Variants in MUC6 observed in about 807,000 individuals in gnomAD.
MUC6 encodes the protein mucin 6, oligomeric mucus/gel-forming (gene/pseudogene), also known as mucin-6.
A neutral mutation model predicts 201.5 loss-of-function variants in MUC6; 188 were observed. The ratio of observed to expected loss-of-function variants is 0.93; its 90% CI spans 0.83 to 1.05. MUC6 has a LOEUF of 1.05. Ranked by LOEUF, MUC6 falls within the 50% of genes least tolerant of loss-of-function variation. The probability of loss-of-function intolerance (pLI) is 0.00; values close to 1 mark genes in which losing one functional copy is unlikely to be tolerated. For synonymous variants in MUC6, 1,228 were observed against 1,389.4 expected (o/e 0.88, Z 2.58); for missense variants, 2,706 against 3,256.9 (o/e 0.83, Z 4.12).
rs1004970672 is a variant in MUC6, at chr11:1,028,774, G to A, written c.1463C>T (p.Thr488Met). 89 of 1,610,972 alleles carry A rather than the reference G, an allele frequency of 5.5e-5. No homozygotes were observed. The highest frequency in any genetic ancestry group is 6.2e-5 in the Non-Finnish European group (73 of 1,179,730). The change falls in exon 13 of 33, where the codon ACG (threonine) becomes ATG (methionine). Residue 488 changes from threonine to methionine, a missense_variant. Physicochemically the swap from Thr to Met is moderately conservative, Grantham distance 81. Coordinates refer to ENST00000421673, the MANE Select transcript of MUC6 (RefSeq NM_005961.3). ...GTGGGTGGACGTCTGCCTGAAGACC[G>A]TGATGTTGCCTGCAGGACGCAGTGC... ...KWLPYKTRNI[T>M]VFRQTSTHLQ...
rs1326925858 is a variant in MUC6, at chr11:1,020,087, T to TA, written c.3808+2dup. 1.2e-6 allele frequency: 2 copies of TA among 1,613,116 alleles called. No individual in the cohort carries two copies. Among genetic ancestry groups the TA allele is most frequent in the Non-Finnish European group, 1.7e-6 (2 of 1,179,752 alleles). On this transcript the variant is annotated splice_region_variant and intron_variant, in intron 29 of 32. Transcript: ENST00000421673. ...TCCATGGGCTCAGCTGGAGGCTCCT[T>TA]ACCTCCCGAGGAGGCTGTGGGCTTG...
In MUC6 at chr11:1,028,636, A is replaced by G. The variant is rs765260336; in HGVS notation, c.1591+10T>C. ...AGGCAACAGGGCCACCTGGAGAGGC[A>G]GGGACTCACCTCTGGTCTGACCTCT... is the stretch of plus-strand genomic sequence containing the variant. On this transcript the variant is annotated intron_variant, in intron 13 of 32. Transcript: ENST00000421673. 3.1e-6 allele frequency: 5 copies of G among 1,605,706 alleles called. No individual in the cohort carries two copies. Among genetic ancestry groups the G allele is most frequent in the Non-Finnish European group, 4.2e-6 (5 of 1,176,864 alleles).
Position 1,030,282 on chromosome 11 carries a change from C to G in MUC6, c.946G>C (p.Val316Leu), listed in dbSNP as rs772440909. The change falls in exon 8 of 33, where the codon GTG (valine) becomes CTG (leucine). Residue 316 changes from valine to leucine, a missense_variant. Val to Leu is a conservative substitution (Grantham distance 32, BLOSUM62 1). Coordinates refer to ENST00000421673, the MANE Select transcript of MUC6 (RefSeq NM_005961.3). ...QVYQECGSAC[V>L]KTCSNPQHSC... ...TGCTGCGGGTTGGAGCAGGTCTTCACGCAGGCCGAGCCGCACTCCTGGTAC... is the reference window on the plus strand; with the variant it reads ...TGCTGCGGGTTGGAGCAGGTCTTCAGGCAGGCCGAGCCGCACTCCTGGTAC... 5 of 1,549,688 alleles carry G rather than the reference C, an allele frequency of 3.2e-6. No individual in the cohort carries two copies. The highest frequency in any genetic ancestry group is 4.4e-6 in the Non-Finnish European group (5 of 1,146,930).
intron 19 of MUC6, 82 bp from the exon 20 acceptor site, chr11:1,026,560 C>T (rs867662388): frequency 5.4e-5 from 75 of 1,390,790 alleles, no homozygotes; most frequent in Middle Eastern, 5.2e-4. Flanking sequence ...TGAGACTGCC[C>T]GGCGTGTCTC....
rs759363349 is a variant in MUC6 at position 1,018,086 on chromosome 11, G to C, written c.4715C>G (p.Pro1572Arg). Residue 1572 changes from proline to arginine, a missense_variant, in exon 31 of 33, where the codon CCC (proline) becomes CGC (arginine). Pro to Arg is a moderately radical substitution (Grantham distance 103). This residue lies in a region of MUC6 where 128 missense variants were observed against 206.5 expected (regional missense o/e 0.62). Coordinates refer to ENST00000421673, the MANE Select transcript of MUC6 (RefSeq NM_005961.3). ...TGTAGGTGGGGAGTGTGTGGTGAAG[G>C]GTGGTGGTGGCCTGCTGCTGGTGGC... ...NSATSSRPPP[P>R]FTTHSPPTGS... The C allele has an allele frequency of 1.2e-6, 2 of 1,613,950 alleles. No homozygotes were observed. Among genetic ancestry groups the C allele is most frequent in the Non-Finnish European group, 1.7e-6 (2 of 1,179,820 alleles).
chr11:1,025,950 G>C, intron 21 of MUC6, 35 bp from the exon 22 acceptor site: 1 of 1,596,124 alleles, frequency 6.3e-7, no homozygotes, highest in Non-Finnish European at 8.5e-7. Context: ...GAGCCCTGGA[G>C]GCCGTGCCTC....
At chr11:1,025,507 G>A in intron 22 of MUC6, 140 bp from the exon 23 acceptor site, 1 of 1,023,140 alleles carries the variant, frequency 9.8e-7, no homozygotes, top group Non-Finnish European at 1.4e-6. Flanking sequence ...GAGCCAGCTT[G>A]GGGCAGAAGG....
At chr11:1,027,562 G>A (rs2133830717) in intron 16 of MUC6, 45 bp from the exon 17 acceptor site, 1 of 1,605,520 alleles carries the variant, frequency 6.2e-7, no homozygotes, top group East Asian at 2.2e-5. Flanking sequence ...GGGGCGGCCG[G>A]GAGGGCAATC....
chr11:1,031,673 C>T lies in MUC6; in HGVS notation c.417G>A (p.Val139=). The change falls in exon 4 of 33, where the codon GTG becomes GTA. Residue 139 remains valine, a synonymous_variant. Transcript: ENST00000421673. ...GLQITPFGQS[V]RLVAKQLELE... ...GCTCCAGCTGCTTGGCCACCAGCCG[C>T]ACGCTCTGGCCGAAGGGTGTGATCT... is the stretch of plus-strand genomic sequence containing the variant. 3 of 1,550,912 alleles carry T rather than the reference C, an allele frequency of 1.9e-6. No individual in the cohort carries two copies. The highest frequency in any genetic ancestry group is 2.6e-6 in the Non-Finnish European group (3 of 1,147,040).
chr11:1,020,609 A>G, intron 28 of MUC6, 75 bp downstream of exon 28: 2 of 1,589,202 alleles, frequency 1.3e-6, no homozygotes, highest in Non-Finnish European at 1.7e-6. Context: ...CCCACCCGAC[A>G]GATTTGTCCA....
At chr11:1,025,548 T>C (rs1003787761) in intron 22 of MUC6, among the ~76,000 whole-genome samples, 181 bp from the exon 23 acceptor site, 4 of 152,228 alleles carry the variant, frequency 2.6e-5, no homozygotes, top group Non-Finnish European at 4.4e-5. Flanking sequence ...GGCTGAGGGC[T>C]GAAGCTCGGG....
In MUC6 at chr11:1,023,558, G is replaced by C; in HGVS notation, c.3477C>G (p.Pro1159=). Residue 1159 remains proline (P), a synonymous_variant, in exon 26 of 33, where the codon CCC becomes CCG. Coordinates refer to ENST00000421673, the MANE Select transcript of MUC6 (RefSeq NM_005961.3). ...TCTGTGGCTGGCTGGGGCAGAGGCA[G>C]GGCTGGTAGTGCCACGTGCAGTTGG... is the stretch of plus-strand genomic sequence containing the variant. ...QEANCTWHYQ[P]CLCPSQPQSV... is the part of the protein sequence containing the mutation. 6.2e-7 allele frequency: 1 copy of C among 1,607,340 alleles called. No homozygotes were observed. Among genetic ancestry groups the C allele is most frequent in the Non-Finnish European group, 8.5e-7 (1 of 1,177,630 alleles).
chr11:1,036,541 A>G (rs1857219966), intron 1 of MUC6, 63 bp downstream of exon 1: 10 of 1,519,928 alleles, frequency 6.6e-6, no homozygotes, highest in Non-Finnish European at 8.9e-6. Context: ...AGGCCCAGAG[A>G]CCCCCGCACA....
At chr11:1,025,573 C>T (rs1856936517) in intron 22 of MUC6, among the ~76,000 whole-genome samples, 1 of 152,196 alleles carries the variant, frequency 6.6e-6, no homozygotes, top group African/African-American at 2.4e-5. Context: ...CTGGAGAGTC[C>T]CTCCCCTCTG....
chr11:1,020,978 G>A (rs188538535), intron 27 of MUC6, among the ~76,000 whole-genome samples: 1 of 152,322 alleles, frequency 6.6e-6, no homozygotes, highest in Admixed American at 6.5e-5. Flanking sequence ...GTGGAAGAGG[G>A]GATGGGAGGG....
At chr11:1,030,366 T>TGCCACCCCCCCCCCCCCCCCCCCCCC in intron 7 of MUC6, 31 bp from the exon 8 acceptor site, 2 of 1,489,596 alleles carry the variant, frequency 1.3e-6, no homozygotes, top group East Asian at 2.5e-5. Flanking sequence ...GGTGAGAGGG[T>TGCCACCCCCCCCCCCCCCCCCCCCCC]CCCACCCCCC....
chr11:1,036,358 A>G (rs1857216463), intron 1 of MUC6, among the ~76,000 whole-genome samples: 1 of 152,072 alleles, frequency 6.6e-6, no homozygotes, highest in Non-Finnish European at 1.5e-5. Context: ...GTGCCAGCTC[A>G]CAGGAGGGCG....
In MUC6 at chr11:1,033,028, C is replaced by T; in HGVS notation, c.100G>A (p.Asp34Asn). Reference protein sequence around the residue: ...YTSPGLQRLKDSPQTAPDKGQ... With the variant: ...YTSPGLQRLKNSPQTAPDKGQ... ...GTGTTCTTACCTGTCTGTGGAGAGT[C>T]CTTCAGCCTCTGGAGGCCTGGGCTG... Residue 34 changes from aspartate to asparagine, a missense_variant, in exon 2 of 33, where the codon GAC (aspartate) becomes AAC (asparagine). Physicochemically the swap from Asp to Asn is conservative, Grantham distance 23. This residue lies in a region of MUC6 where 1,850 missense variants were observed against 1,958.3 expected (regional missense o/e 0.94). Coordinates refer to ENST00000421673, the MANE Select transcript of MUC6 (RefSeq NM_005961.3). The surrounding 1 kb of genome is among the most constrained non-coding windows in gnomAD (Gnocchi z 5.6). The T allele has an allele frequency of 6.2e-7, 1 of 1,605,430 alleles. No homozygotes were observed. The highest frequency in any genetic ancestry group is 1.1e-5 in the South Asian group (1 of 90,668).
chr11:1,013,497 A>C lies in MUC6; in HGVS notation c.7279T>G (p.Phe2427Val). The C allele has an allele frequency of 6.3e-7, 1 of 1,584,632 alleles. No individual in the cohort carries two copies. The highest frequency in any genetic ancestry group is 8.6e-7 in the Non-Finnish European group (1 of 1,167,012). ...GRRLVLTLQV[F>V]SHCVCSSVAC... ...ACAGAGCTGCACACGCAGTGGCTGA[A>C]CACCTGCAGGGTGAGTACGAGCCGC... The change falls in exon 33 of 33, where the codon TTC becomes GTC. Residue 2427 changes from phenylalanine (F) to valine (V), a missense_variant. Coordinates refer to ENST00000421673, the MANE Select transcript of MUC6 (RefSeq NM_005961.3).
Sources: allele counts gnomAD v4.1 joint callset (sites outside exome capture counted in the v4.1 genomes callset), GRCh38; gene constraint gnomAD v4.1.1; regional missense constraint gnomAD v4.1.1; non-coding constraint Gnocchi (gnomAD v3.1); transcripts MANE v1.5; gene names NCBI Gene and HGNC (gene_info 2026-07-23, HGNC 2026-07-21).